The following RCOR2 variants were observed in gnomAD, a reference collection of about 807,000 sequenced individuals.
RCOR2 encodes REST corepressor 2.
A neutral mutation model predicts 58.9 loss-of-function variants in RCOR2; 19 were observed. That is an observed-to-expected ratio of 0.32 (90% CI 0.23 to 0.47). RCOR2 has a LOEUF of 0.47. Ranked by LOEUF, RCOR2 falls within the 20% of genes least tolerant of loss-of-function variation. The pLI is 1.00. For missense variants in RCOR2, 590 were observed against 707.9 expected (o/e 0.83, Z 1.89); for synonymous variants, 286 against 278.7 (o/e 1.03, Z -0.26).
At position 63,912,515 on chromosome 11, in the gene RCOR2, T is replaced by G; in HGVS notation, c.1047A>C (p.Lys349Asn). ...LAVQAIRRYG[K>N]DFGAIAEVIG... is the part of the protein sequence containing the mutation. Reference sequence around the variant, plus strand: ...TCACCTCTGCAATAGCCCCAAAGTCTTTGCCATACCTACGGATGGCTGCAA... The same window carrying G: ...TCACCTCTGCAATAGCCCCAAAGTCGTTGCCATACCTACGGATGGCTGCAA... The change falls in exon 11 of 12, where the codon AAA becomes AAC. Residue 349 changes from lysine to asparagine, a missense_variant. Lys to Asn is a moderately conservative substitution (Grantham distance 94, BLOSUM62 0). This residue lies in a region of RCOR2 where 390 missense variants were observed against 478.7 expected (regional missense o/e 0.81). Coordinates refer to ENST00000301459, the MANE Select transcript of RCOR2 (RefSeq NM_173587.4). 6.2e-7 allele frequency: 1 copy of G among 1,613,824 alleles called. No individual in the cohort carries two copies. The highest frequency in any genetic ancestry group is 2.2e-5 in the East Asian group (1 of 44,868).
the RCOR2 span, among the ~76,000 whole-genome samples, chr11:63,926,149 G>A: frequency 6.6e-6 from 1 of 152,126 alleles, no homozygotes; most frequent in African/African-American, 2.4e-5. Context: ...GACCTCAGGT[G>A]ATCTGCCCTC....
chr11:63,920,599 G>A (rs527889725), upstream of RCOR2, among the ~76,000 whole-genome samples: 192 of 152,270 alleles, frequency 1.3e-3, no homozygotes, highest in Non-Finnish European at 2.4e-3. Flanking sequence ...GGTGGGATCC[G>A]AGCCAAAACC....
At chr11:63,917,424 G>A (rs575695555), upstream of RCOR2, among the ~76,000 whole-genome samples, 138 of 152,198 alleles carry the variant, frequency 9.1e-4, no homozygotes, top group African/African-American at 3.2e-3. Flanking sequence ...AGTAGCCAGG[G>A]GTCAGCCCCA....
intron 3 of RCOR2, 58 bp from the exon 4 acceptor site, chr11:63,915,012 C>G: frequency 1.2e-6 from 2 of 1,606,226 alleles, no homozygotes; most frequent in Non-Finnish European, 1.7e-6. Flanking sequence ...CTAACCCAGG[C>G]CTGTCCAGAA....
At chr11:63,927,467 C>T in the RCOR2 span, among the ~76,000 whole-genome samples, 476 of 152,106 alleles carry the variant, frequency 3.1e-3, 4 homozygotes, top group Non-Finnish European at 3.2e-3. Context: ...CGGGGTCTTG[C>T]TATGCTGCCC....
At position 63,914,123 on chromosome 11, in the gene RCOR2, T is replaced by G. The variant is rs1941820335; in HGVS notation, c.722A>C (p.Lys241Thr). 6.2e-7 allele frequency: 1 copy of G among 1,613,646 alleles called. No individual in the cohort carries two copies. Among genetic ancestry groups the G allele is most frequent in the South Asian group, 1.1e-5 (1 of 91,072 alleles). Reference protein sequence around the residue: ...PLNARPGPGKKEVQVSQYRHH... With the variant: ...PLNARPGPGKTEVQVSQYRHH... ...GCGGTACTGAGACACCTGGACCTCC[T>G]TTTTCCCAGGGCCTGGGCGTGCATT... The change falls in exon 8 of 12, where the codon AAG (lysine) becomes ACG (threonine). Residue 241 changes from lysine to threonine, a missense_variant. Lys to Thr is a moderately conservative substitution (Grantham distance 78). Transcript: ENST00000301459.
chr11:63,926,489 C>CTTTTTT, the RCOR2 span, among the ~76,000 whole-genome samples: 1,201 of 135,530 alleles, frequency 8.9e-3, 1 homozygote, highest in Non-Finnish European at 0.013. Context: ...CTCTCTCTCT[C>CTTTTTT]TTTTTTTTTT....
rs1031974706 is a variant in RCOR2 at position 63,914,262 on chromosome 11, T to C, written c.674A>G (p.Glu225Gly). ...GEPDPADPKR[E>G]PLPSRPLNAR... ...GGCCCAGAGGCTCTGGGAGCTCACC[T>C]CTCTCTTGGGATCTGCAGGATCGGG... Residue 225 changes from glutamate (E) to glycine (G), a missense_variant and splice_region_variant, in exon 7 of 12, where the codon GAG (glutamate) becomes GGG (glycine). Glu to Gly is a moderately conservative substitution (Grantham distance 98). Around this residue, in one of 3 missense-constraint regions of RCOR2, gnomAD observed 390 missense variants for 478.7 expected, o/e 0.81. Coordinates refer to ENST00000301459, the MANE Select transcript of RCOR2 (RefSeq NM_173587.4). 4 of 1,613,402 alleles carry C rather than the reference T, an allele frequency of 2.5e-6. No individual in the cohort carries two copies. Among genetic ancestry groups the C allele is most frequent in the Non-Finnish European group, 3.4e-6 (4 of 1,179,932 alleles).
upstream of RCOR2, among the ~76,000 whole-genome samples, chr11:63,922,017 G>T (rs1941918225): frequency 6.6e-6 from 1 of 152,186 alleles, no homozygotes; most frequent in African/African-American, 2.4e-5. Context: ...TATCTCAAGA[G>T]TGGGTTAGTT....
At chr11:63,923,833 C>A in the RCOR2 span, among the ~76,000 whole-genome samples, 9 of 152,306 alleles carry the variant, frequency 5.9e-5, no homozygotes, top group African/African-American at 1.9e-4. Flanking sequence ...CCAGGCCTGT[C>A]CAAAACCATC....
chr11:63,925,321 C>T, the RCOR2 span, among the ~76,000 whole-genome samples: 15 of 152,248 alleles, frequency 9.9e-5, no homozygotes, highest in Admixed American at 7.2e-4. Context: ...GGTGCTATGG[C>T]GTTGATCCCA....
In RCOR2 at chr11:63,912,107, T is replaced by C. The variant is rs1590732406; in HGVS notation, c.1330A>G (p.Thr444Ala). 3 of 888,472 alleles carry C rather than the reference T, an allele frequency of 3.4e-6. No homozygotes were observed. The highest frequency in any genetic ancestry group is 7.0e-5 in the Admixed American group (1 of 14,372). 55.0% of individuals were successfully genotyped at this position (888,472 alleles called of 1,614,324 possible). Residue 444 changes from threonine (T) to alanine (A), a missense_variant, in exon 12 of 12, where the codon ACC (threonine) becomes GCC (alanine). This residue lies in a region of RCOR2 where 196 missense variants were observed against 210.7 expected (regional missense o/e 0.93). Transcript: ENST00000301459. The stretch of plus-strand genomic sequence containing the variant: ...AGCGGGGGTGGCTGGGACAGCGAGG[T>C]GGGAGGTGGAGGGGGTGGTGGCGCA... ...PPAPPPPPPP[T>A]SLSQPPPLLR...
Position 63,916,440 on chromosome 11 carries a change from T to A in RCOR2, c.17A>T (p.Glu6Val). The change falls in exon 1 of 12, where the codon GAG becomes GTG. Residue 6 changes from glutamate (E) to valine (V), a missense_variant. Coordinates refer to ENST00000301459, the MANE Select transcript of RCOR2 (RefSeq NM_173587.4). The stretch of plus-strand genomic sequence containing the variant: ...GATCCCAGAGCCCGCGCTCGGCTTC[T>A]CCATCACTGAGGGCATTACCCCGCC... MPSVMEKPSAGSGILS... is the reference protein window; with the variant it reads MPSVMVKPSAGSGILS... The A allele has an allele frequency of 6.2e-7, 1 of 1,608,300 alleles. No homozygotes were observed. Among genetic ancestry groups the A allele is most frequent in the Non-Finnish European group, 8.5e-7 (1 of 1,178,246 alleles).
At position 63,915,581 on chromosome 11, in the gene RCOR2, T is replaced by A; in HGVS notation, c.158A>T (p.Gln53Leu). The change falls in exon 2 of 12, where the codon CAG becomes CTG. Residue 53 changes from glutamine (Q) to leucine (L), a missense_variant. Physicochemically the swap from Gln to Leu is moderately radical, Grantham distance 113 (BLOSUM62 -2). Around this residue, in one of 3 missense-constraint regions of RCOR2, gnomAD observed 390 missense variants for 478.7 expected, o/e 0.81. Transcript: ENST00000301459. The stretch of plus-strand genomic sequence containing the variant: ...AGGCTTGCACTCCGGAATTACGGCC[T>A]GGTAATTGGTTCCAACGCGGATCAT... Reference protein sequence around the residue: ...DSMIRVGTNYQAVIPECKPES... With the variant: ...DSMIRVGTNYLAVIPECKPES... 1 of 1,556,740 alleles carries A rather than the reference T, an allele frequency of 6.4e-7. No individual in the cohort carries two copies.
chr11:63,915,745 C>T, intron 1 of RCOR2, 134 bp from the exon 2 acceptor site: 1 of 760,980 alleles, frequency 1.3e-6, no homozygotes, highest in Non-Finnish European at 2.3e-6. Flanking sequence ...AGGAGGCTCA[C>T]TTTTCCCTCA....
rs187149094 is a variant in RCOR2, at chr11:63,912,267, C to T, written c.1257+38G>A. Reference sequence around the variant, plus strand: ...AAGGCGGCGCCTCACCTCGCCTCGCCTCTCCTCTCTGAGGGGTTTCTCTCA... The same window carrying T: ...AAGGCGGCGCCTCACCTCGCCTCGCTTCTCCTCTCTGAGGGGTTTCTCTCA... On this transcript the variant is annotated intron_variant, in intron 11 of 11. Transcript: ENST00000301459. The T allele has an allele frequency of 3.9e-3, 6,167 of 1,600,280 alleles. 17 individuals are homozygous for T. The highest frequency in any genetic ancestry group is 4.8e-3 in the Admixed American group (286 of 59,450).
chr11:63,922,583 T>C, the RCOR2 span, among the ~76,000 whole-genome samples: 1 of 152,176 alleles, frequency 6.6e-6, no homozygotes, highest in African/African-American at 2.4e-5. Context: ...GAACTCCTGA[T>C]CTCAAGCAAT....
At chr11:63,926,581 G>A in the RCOR2 span, among the ~76,000 whole-genome samples, 1 of 149,004 alleles carries the variant, frequency 6.7e-6, no homozygotes, top group African/African-American at 2.5e-5. Context: ...CCACCTCCCA[G>A]GTTCAAGCAA....
intron 5 of RCOR2, 56 bp from the exon 6 acceptor site, chr11:63,914,597 A>C: frequency 6.2e-7 from 1 of 1,610,756 alleles, no homozygotes; most frequent in Non-Finnish European, 8.5e-7. Flanking sequence ...GCCCCAGGTA[A>C]GCTCTTCAGA....
Sources: gnomAD v4.1 joint callset for allele counts (sites outside exome capture counted in the v4.1 genomes callset) on GRCh38, gnomAD v4.1.1 for gene constraint, gnomAD v4.1.1 regional missense constraint, MANE v1.5 for transcripts, NCBI Gene and HGNC (gene_info 2026-07-23, HGNC 2026-07-21) for gene names.